Variants in ATP11A observed in about 807,000 individuals in gnomAD.
The protein encoded by ATP11A is phospholipid-transporting ATPase IH.
ATP11A carries 81 observed loss-of-function variants against 154.4 expected under a neutral mutation model. That is an observed-to-expected ratio of 0.52 (90% CI 0.44 to 0.63). The LOEUF (loss-of-function observed/expected upper bound fraction) is 0.63. ATP11A is among the 30% of genes least tolerant of loss of function. ATP11A has a pLI of 0.00. For synonymous variants in ATP11A, 623 were observed against 585.9 expected (o/e 1.06, Z -0.91); for missense variants, 1,316 against 1,474.3 (o/e 0.89, Z 1.76).
Position 112,859,277 on chromosome 13 carries a change from G to A in ATP11A, c.2668-116G>A. 1 of 817,422 alleles carries A rather than the reference G, an allele frequency of 1.2e-6. No individual in the cohort carries two copies. Among genetic ancestry groups the A allele is most frequent in the South Asian group, 1.4e-5 (1 of 72,538 alleles). The allele number at this position is 817,422 out of a possible 1,614,324, so 50.6% of individuals were successfully genotyped here. On this transcript the variant is annotated intron_variant, in intron 22 of 29. Coordinates refer to ENST00000375645, the MANE Select transcript of ATP11A (RefSeq NM_015205.3). This position sits in a 1 kb window ranked among gnomAD's most constrained non-coding sequence, Gnocchi z 4.3. Reference sequence around the variant, plus strand: ...TTCTAGAACCCATTAGTGCTGTTCTGCCGCACGCTGGGTGCACGTGGATCC... The same window carrying A: ...TTCTAGAACCCATTAGTGCTGTTCTACCGCACGCTGGGTGCACGTGGATCC...
rs1277689079 is a variant in ATP11A at position 112,748,748 on chromosome 13, CAGAGAT to C, written c.40-36385_40-36380del. On this transcript the variant is annotated intron_variant, in intron 1 of 29. Coordinates refer to ENST00000375645, the MANE Select transcript of ATP11A (RefSeq NM_015205.3). Reference sequence around the variant, plus strand: ...CAATTGTGTTTTTGCTAGCCAGCTACAGAGATAATGTAAAAAATGTTTTAAAACCAT... The same window carrying C: ...CAATTGTGTTTTTGCTAGCCAGCTACAATGTAAAAAATGTTTTAAAACCAT... Among the ~76,000 whole-genome samples, 6 of 152,280 alleles carry C rather than the reference CAGAGAT, an allele frequency of 3.9e-5. No homozygotes were observed. In the East Asian group the frequency reaches 9.7e-4, roughly 25 times the overall value.
chr13:112,861,083 C>G (rs1482465763), intron 24 of ATP11A, among the ~76,000 whole-genome samples: 1 of 152,176 alleles, frequency 6.6e-6, no homozygotes, highest in Non-Finnish European at 1.5e-5. Context: ...GCACGTCTTA[C>G]ATGGTGGCAG....
At chr13:112,863,213 A>G (rs1294804468) in intron 25 of ATP11A, among the ~76,000 whole-genome samples, 2 of 142,422 alleles carry the variant, frequency 1.4e-5, no homozygotes, top group Non-Finnish European at 3.1e-5. Context: ...AGTGCAGCCC[A>G]TGCAGCTTCC....
intron 1 of ATP11A, among the ~76,000 whole-genome samples, chr13:112,713,798 A>G (rs187307527): frequency 1.3e-5 from 2 of 152,182 alleles, no homozygotes; most frequent in East Asian, 3.9e-4. Context: ...TTGAGGGGAA[A>G]AAGGCCGAGG....
At position 112,857,942 on chromosome 13, in the gene ATP11A, G is replaced by A. The variant is rs763322872; in HGVS notation, c.2521+22G>A. 18 of 1,611,978 alleles carry A rather than the reference G, an allele frequency of 1.1e-5. 1 individual carries two copies. In the South Asian group the frequency reaches 1.6e-4, roughly 15 times the overall value. ...ATAGGTGAGCTTCGTCCTTGCTGCT[G>A]GCACATCCTGGTGGCCAGGTCACCC... is the stretch of plus-strand genomic sequence containing the variant. On this transcript the variant is annotated intron_variant, in intron 21 of 29. Transcript: ENST00000375645.
rs1432660166 is a variant in ATP11A at position 112,805,040 on chromosome 13, G to T, written c.246G>T (p.Leu82=). ...ACTTTTATTTCCTTATCATATTTCT[G>T]GTGCAGGTAAGGCCGGTCATTGTTT... The part of the protein sequence containing the change: ...VANFYFLIIF[L]VQLIIDTPTS... The change falls in exon 3 of 30, where the codon CTG becomes CTT. Residue 82 remains leucine (L), a synonymous_variant. Coordinates refer to ENST00000375645, the MANE Select transcript of ATP11A (RefSeq NM_015205.3). 1 of 1,607,124 alleles carries T rather than the reference G, an allele frequency of 6.2e-7. No individual in the cohort carries two copies. Among genetic ancestry groups the T allele is most frequent in the Non-Finnish European group, 8.5e-7 (1 of 1,176,224 alleles).
At chr13:112,881,621 C>G (rs1375643175) in intron 29 of ATP11A, 2 of 1,188,660 alleles carry the variant, frequency 1.7e-6, no homozygotes, top group Non-Finnish European at 2.1e-6. Flanking sequence ...GACAGAGACC[C>G]CTCGCCTCCA....
At chr13:112,858,017 C>T (rs9549575) in intron 21 of ATP11A, 97 bp downstream of exon 21, 394,020 of 1,559,464 alleles carry the variant, frequency 0.25, 53,376 homozygotes, top group Admixed American at 0.3. Flanking sequence ...TCAGGACACC[C>T]CCGTCACCAC....
At chr13:112,710,588 C>T (rs1056054653) in intron 1 of ATP11A, among the ~76,000 whole-genome samples, 5 of 152,196 alleles carry the variant, frequency 3.3e-5, no homozygotes, top group Admixed American at 1.3e-4. Flanking sequence ...CTGTGGTGGC[C>T]AAGCAGGCCC....
chr13:112,848,978 A>G (rs991631639), intron 17 of ATP11A, among the ~76,000 whole-genome samples: 6 of 152,190 alleles, frequency 3.9e-5, no homozygotes, highest in African/African-American at 9.7e-5. Flanking sequence ...GTGAGCCATC[A>G]TGCCTTGCTG....
chr13:112,860,148 C>T (rs940024163), intron 23 of ATP11A, 139 bp from the exon 24 acceptor site: 3 of 914,742 alleles, frequency 3.3e-6, no homozygotes, highest in Middle Eastern at 2.7e-4. Flanking sequence ...ATATCACAGA[C>T]CCTAGTTTAT....
chr13:112,763,537 A>G (rs1384866342), intron 1 of ATP11A, among the ~76,000 whole-genome samples: 1 of 152,170 alleles, frequency 6.6e-6, no homozygotes, highest in Non-Finnish European at 1.5e-5. Flanking sequence ...GGAAATTTGC[A>G]TTCTGTAGAG....
chr13:112,769,887 G>A (rs2077186151), intron 1 of ATP11A, among the ~76,000 whole-genome samples: 1 of 152,216 alleles, frequency 6.6e-6, no homozygotes, highest in Non-Finnish European at 1.5e-5. Flanking sequence ...GCTGTAAATG[G>A]ACACACGTTA....
rs112620553 is a variant in ATP11A, at chr13:112,710,508, C to G, written c.39+20053C>G. Among the ~76,000 whole-genome samples, 124 of 152,308 alleles carry G rather than the reference C, an allele frequency of 8.1e-4. No individual in the cohort carries two copies. In the Middle Eastern group the frequency reaches 0.02, roughly 25 times the overall value. On this transcript the variant is annotated intron_variant, in intron 1 of 29. Transcript: ENST00000375645. ...CCCATGAGGGCCCTTGGAGCCATCT[C>G]GACTAGAACGTTAACAGGAAGGAAG...
chr13:112,692,558 G>C (rs777891295), intron 1 of ATP11A, among the ~76,000 whole-genome samples: 3 of 152,128 alleles, frequency 2.0e-5, no homozygotes, highest in Non-Finnish European at 4.4e-5. Context: ...TACGCTTATG[G>C]CATCACATTT....
At chr13:112,716,138 T>C (rs1370431052) in intron 1 of ATP11A, among the ~76,000 whole-genome samples, 1 of 152,174 alleles carries the variant, frequency 6.6e-6, no homozygotes, top group Non-Finnish European at 1.5e-5. Context: ...TCCTCTGGCC[T>C]TCTGCAGATG....
At chr13:112,718,548 G>A (rs1158750216) in intron 1 of ATP11A, among the ~76,000 whole-genome samples, 9 of 152,194 alleles carry the variant, frequency 5.9e-5, no homozygotes, top group Admixed American at 3.3e-4. Flanking sequence ...ATGGGAACCC[G>A]CAGAGGCAGC....
In ATP11A at chr13:112,783,691, C is replaced by T. The variant is rs986679644; in HGVS notation, c.40-1444C>T. On this transcript the variant is annotated intron_variant, in intron 1 of 29. Coordinates refer to ENST00000375645, the MANE Select transcript of ATP11A (RefSeq NM_015205.3). Reference sequence around the variant, plus strand: ...AGAGAACTGGGGCGTGGGACGAGAGCCACACGCTAAGGCCCCGTATTCCGA... The same window carrying T: ...AGAGAACTGGGGCGTGGGACGAGAGTCACACGCTAAGGCCCCGTATTCCGA... 3.3e-5 allele frequency among the ~76,000 whole-genome samples: 5 copies of T among 152,348 alleles called. No individual in the cohort carries two copies. The South Asian group carries it at 1.0e-3, about 32-fold the overall frequency.
intron 28 of ATP11A, among the ~76,000 whole-genome samples, chr13:112,877,541 C>T (rs980100493): frequency 1.1e-4 from 17 of 152,296 alleles, no homozygotes; most frequent in Admixed American, 2.0e-4. Flanking sequence ...GGTCTGACCC[C>T]GAGAGAGAGC....
Sources: gnomAD v4.1 joint callset for allele counts (sites outside exome capture counted in the v4.1 genomes callset) on GRCh38, gnomAD v4.1.1 for gene constraint, Gnocchi (gnomAD v3.1) non-coding constraint, MANE v1.5 for transcripts, NCBI Gene and HGNC (gene_info 2026-07-23, HGNC 2026-07-21) for gene names.